Variants in EEIG1 observed in about 807,000 individuals in gnomAD.
EEIG1 encodes estrogen-induced osteoclastogenesis regulator 1, also known as early estrogen-induced gene 1 protein.
At chr9:127,950,735 A>C in the EEIG1 span, 3 of 1,390,998 alleles carry the variant, frequency 2.2e-6, no homozygotes, top group Non-Finnish European at 2.8e-6. Flanking sequence ...CAACATGGCA[A>C]AGCCAGGAAC....
the EEIG1 span, among the ~76,000 whole-genome samples, chr9:127,979,273 G>A: frequency 3.9e-5 from 6 of 152,190 alleles, no homozygotes; most frequent in African/African-American, 1.4e-4. Context: ...AAGGCTCTTC[G>A]GAGACAGGCC....
At chr9:127,967,940 C>T in the EEIG1 span, among the ~76,000 whole-genome samples, 4 of 151,742 alleles carry the variant, frequency 2.6e-5, no homozygotes, top group Middle Eastern at 3.4e-3. Flanking sequence ...ACCTTCTTCT[C>T]CACCCCAGGA....
the EEIG1 span, chr9:127,944,272 T>G: frequency 2.5e-6 from 1 of 396,372 alleles, no homozygotes; most frequent in Non-Finnish European, 4.6e-6. Flanking sequence ...TCTTCCCGAG[T>G]CCCTGGAGCT....
At chr9:127,945,423 G>A in the EEIG1 span, 4 of 1,572,912 alleles carry the variant, frequency 2.5e-6, no homozygotes, top group South Asian at 4.6e-5. The surrounding 1 kb of genome is among the most constrained non-coding windows in gnomAD (Gnocchi z 6.5). Context: ...GCTTCTCCGG[G>A]GGCCGGTGCT....
the EEIG1 span, among the ~76,000 whole-genome samples, chr9:127,959,138 A>G: frequency 6.6e-6 from 1 of 152,260 alleles, no homozygotes; most frequent in Non-Finnish European, 1.5e-5. Context: ...ATGACCCAGC[A>G]ATTTCACCCC....
At chr9:127,964,048 A>T in the EEIG1 span, among the ~76,000 whole-genome samples, 1 of 152,142 alleles carries the variant, frequency 6.6e-6, no homozygotes, top group Non-Finnish European at 1.5e-5. Context: ...AGCACAGGGA[A>T]GACCCAGAAG....
At chr9:127,974,749 A>C in the EEIG1 span, among the ~76,000 whole-genome samples, 1 of 152,146 alleles carries the variant, frequency 6.6e-6, no homozygotes, top group African/African-American at 2.4e-5. Flanking sequence ...GCCCCCACCT[A>C]GCTGGCAGCT....
chr9:127,948,329 G>A, the EEIG1 span: 14 of 1,613,496 alleles, frequency 8.7e-6, no homozygotes, highest in Non-Finnish European at 1.2e-5. Context: ...GCCCGGGACT[G>A]GGCTCCCATC....
At chr9:127,970,115 T>C in the EEIG1 span, among the ~76,000 whole-genome samples, 1 of 152,142 alleles carries the variant, frequency 6.6e-6, no homozygotes. Context: ...AATGGCATCA[T>C]ACACTTTTTT....
At chr9:127,966,476 G>A in the EEIG1 span, among the ~76,000 whole-genome samples, 1 of 151,506 alleles carries the variant, frequency 6.6e-6, no homozygotes, top group Non-Finnish European at 1.5e-5. Flanking sequence ...GCAGGCAGGT[G>A]TGGGCATCCC....
the EEIG1 span, among the ~76,000 whole-genome samples, chr9:127,960,500 G>A: frequency 2.0e-5 from 3 of 152,186 alleles, no homozygotes; most frequent in African/African-American, 7.2e-5. Flanking sequence ...AGAGAGCAGA[G>A]ACACTTCCCA....
At chr9:127,942,868 G>A in the EEIG1 span, 3 of 422,160 alleles carry the variant, frequency 7.1e-6, no homozygotes, top group Non-Finnish European at 1.3e-5. Flanking sequence ...CAGAGGGCTG[G>A]GTCAGTCTCC....
chr9:127,979,456 G>C, the EEIG1 span, among the ~76,000 whole-genome samples: 10 of 152,224 alleles, frequency 6.6e-5, 1 homozygote, highest in Admixed American at 6.5e-4. Context: ...AAGGGTATTT[G>C]CAATGCAAAG....
chr9:127,954,594 G>C, the EEIG1 span, among the ~76,000 whole-genome samples: 2 of 152,252 alleles, frequency 1.3e-5, no homozygotes. Flanking sequence ...GCCAGAGAAA[G>C]GTGGTCATGC....
At chr9:127,975,474 C>A in the EEIG1 span, among the ~76,000 whole-genome samples, 5 of 152,236 alleles carry the variant, frequency 3.3e-5, no homozygotes, top group East Asian at 5.8e-4. Flanking sequence ...CCCAGAAGGA[C>A]CCCCTCCCCG....
At chr9:127,974,243 T>C in the EEIG1 span, among the ~76,000 whole-genome samples, 1 of 152,180 alleles carries the variant, frequency 6.6e-6, no homozygotes, top group Admixed American at 6.5e-5. Context: ...TGTCCTTCCC[T>C]GGGTGCAGGT....
At chr9:127,969,047 G>A in the EEIG1 span, among the ~76,000 whole-genome samples, 3 of 152,230 alleles carry the variant, frequency 2.0e-5, no homozygotes, top group South Asian at 6.2e-4. Flanking sequence ...GGTCTTGCCT[G>A]TATCCAAGAT....
chr9:127,943,179 G>T, the EEIG1 span: 9 of 1,613,614 alleles, frequency 5.6e-6, no homozygotes. Flanking sequence ...TCTCCAGCCC[G>T]GACACCTGCT....
At chr9:127,970,588 G>A in the EEIG1 span, among the ~76,000 whole-genome samples, 1 of 152,152 alleles carries the variant, frequency 6.6e-6, no homozygotes, top group African/African-American at 2.4e-5. Context: ...CTTCTCAGCT[G>A]ACAGTCACCT....
Sources: allele counts gnomAD v4.1 joint callset (sites outside exome capture counted in the v4.1 genomes callset), GRCh38; gene constraint gnomAD v4.1.1; non-coding constraint Gnocchi (gnomAD v3.1); transcripts MANE v1.5; gene names NCBI Gene and HGNC (gene_info 2026-07-23, HGNC 2026-07-21).